The following EPM2A variants were observed in gnomAD, a reference collection of about 807,000 sequenced individuals.
EPM2A encodes the protein laforin.
Under a neutral mutation model 26.5 loss-of-function variants are expected in EPM2A, and 21 were observed. The ratio of observed to expected loss-of-function variants is 0.79; its 90% CI spans 0.56 to 1.14. The LOEUF is 1.14. Ranked by LOEUF, EPM2A falls within the 50% of genes most tolerant of loss-of-function variation. The probability of loss-of-function intolerance (pLI) is 0.00; values close to 1 mark genes in which losing one functional copy is unlikely to be tolerated. For missense variants in EPM2A, 458 were observed against 440.8 expected (o/e 1.04, Z -0.35); for synonymous variants, 217 against 177.6 (o/e 1.22, Z -1.76).
intron 2 of EPM2A, among the ~76,000 whole-genome samples, chr6:145,643,161 T>A (rs527657388): frequency 6.6e-6 from 1 of 152,264 alleles, no homozygotes; most frequent in Non-Finnish European, 1.5e-5. Context: ...AAAGAGAAGA[T>A]TTAAACATGA....
intron 2 of EPM2A, among the ~76,000 whole-genome samples, chr6:145,645,284 C>A (rs973977733): frequency 5.3e-5 from 8 of 152,106 alleles, no homozygotes; most frequent in African/African-American, 1.9e-4. Context: ...TTATGTTATG[C>A]AAATGTTTCA....
chr6:145,435,075 C>T (rs766746852), intron 4 of EPM2A, among the ~76,000 whole-genome samples: 3 of 152,120 alleles, frequency 2.0e-5, no homozygotes, highest in African/African-American at 4.8e-5. Context: ...GAAGCCAGGC[C>T]GATACTGGCC....
chr6:145,570,523 T>C (rs574882401), intron 2 of EPM2A, among the ~76,000 whole-genome samples: 1 of 152,336 alleles, frequency 6.6e-6, no homozygotes, highest in African/African-American at 2.4e-5. Context: ...TGCACAAACA[T>C]GTTTTTAACA....
Position 145,443,123 on chromosome 6 carries a change from G to A in EPM2A, c.556-59026C>T, listed in dbSNP as rs578198946. Among the ~76,000 whole-genome samples, 13 of 151,826 alleles carry A rather than the reference G, an allele frequency of 8.6e-5. No homozygotes were observed. In the East Asian group the frequency reaches 2.1e-3, roughly 25 times the overall value. On this transcript the variant is annotated intron_variant, in intron 4 of 4. Coordinates refer to the EPM2A transcript ENST00000638717. ...CCTGACCTTGTGATCCACCTGCCTCGGCCTCCCAAAGTGCTGTAATTACAG... is the reference window on the plus strand; with the variant it reads ...CCTGACCTTGTGATCCACCTGCCTCAGCCTCCCAAAGTGCTGTAATTACAG...
intron 4 of EPM2A, among the ~76,000 whole-genome samples, chr6:145,444,413 G>A (rs1396343134): frequency 6.6e-6 from 1 of 152,112 alleles, no homozygotes. Flanking sequence ...TATTTGCATA[G>A]GTCGAACCAA....
intron 2 of EPM2A, among the ~76,000 whole-genome samples, chr6:145,502,834 G>A (rs1225527144): frequency 6.6e-6 from 1 of 152,054 alleles, no homozygotes; most frequent in South Asian, 2.1e-4. Flanking sequence ...TAATATTTTG[G>A]AATCTTAAGG....
intron 4 of EPM2A, among the ~76,000 whole-genome samples, chr6:145,398,088 C>T (rs1039183246): frequency 1.8e-4 from 27 of 146,782 alleles, no homozygotes; most frequent in Middle Eastern, 3.5e-3. Context: ...ATTGTTATAT[C>T]TGTAGAAATT....
intron 4 of EPM2A, among the ~76,000 whole-genome samples, chr6:145,483,253 G>A (rs1779632580): frequency 6.6e-6 from 1 of 151,988 alleles, no homozygotes; most frequent in Non-Finnish European, 1.5e-5. Flanking sequence ...TAGCACATAA[G>A]CCAAGTGTCT....
chr6:145,686,063 T>A (rs1780880948), intron 2 of EPM2A, 59 bp downstream of exon 2: 3 of 1,477,326 alleles, frequency 2.0e-6, no homozygotes, highest in Non-Finnish European at 2.8e-6. Flanking sequence ...AATATTTCCA[T>A]TGTGCTAATG....
chr6:145,603,388 T>A (rs1214040600), intron 2 of EPM2A, among the ~76,000 whole-genome samples: 1 of 152,116 alleles, frequency 6.6e-6, no homozygotes, highest in Non-Finnish European at 1.5e-5. Flanking sequence ...GCCCATCAGG[T>A]TCTTTTGTAT....
chr6:145,600,709 C>T (rs149107386), intron 2 of EPM2A, among the ~76,000 whole-genome samples: 4 of 152,334 alleles, frequency 2.6e-5, no homozygotes, highest in Admixed American at 6.5e-5. Context: ...GTGCTTTCCT[C>T]CTGGAGTTTG....
At chr6:145,423,388 C>T (rs1267968419) in intron 4 of EPM2A, among the ~76,000 whole-genome samples, 3 of 152,136 alleles carry the variant, frequency 2.0e-5, no homozygotes, top group East Asian at 3.9e-4. Context: ...GGGCTTTCCA[C>T]CCAGATGTGG....
upstream of EPM2A, chr6:145,735,750 G>T: frequency 1.7e-6 from 1 of 571,976 alleles, no homozygotes; most frequent in Non-Finnish European, 2.3e-6. Flanking sequence ...GCGGGCGGTT[G>T]ATTTCCACCT....
At chr6:145,463,683 G>C (rs1311001928) in intron 4 of EPM2A, among the ~76,000 whole-genome samples, 1 of 152,038 alleles carries the variant, frequency 6.6e-6, no homozygotes, top group African/African-American at 2.4e-5. Flanking sequence ...TGGATGTGTA[G>C]GTTGAGTGTA....
At chr6:145,487,214 A>G (rs1159508517) in intron 4 of EPM2A, among the ~76,000 whole-genome samples, 1 of 152,106 alleles carries the variant, frequency 6.6e-6, no homozygotes, top group Non-Finnish European at 1.5e-5. Context: ...GGTTATATGT[A>G]CCACATTTTC....
At chr6:145,548,101 C>T (rs1355010785) in intron 2 of EPM2A, among the ~76,000 whole-genome samples, 2 of 152,062 alleles carry the variant, frequency 1.3e-5, no homozygotes, top group African/African-American at 4.8e-5. Context: ...CTTGGCACTC[C>T]CGCATGCTGC....
exon 4 of EPM2A, chr6:145,501,755 C>T (rs79862016): frequency 5.1e-4 from 240 of 470,712 alleles, no homozygotes; most frequent in African/African-American, 4.5e-3. Flanking sequence ...CCAGTCGTCA[C>T]CCATCTGCCA....
chr6:145,677,442 G>A (rs2128605663), intron 2 of EPM2A, among the ~76,000 whole-genome samples: 1 of 152,220 alleles, frequency 6.6e-6, no homozygotes, highest in East Asian at 1.9e-4. Flanking sequence ...GGACAATCAG[G>A]CAAGAGAAAG....
At chr6:145,404,081 T>A (rs559303168) in intron 4 of EPM2A, among the ~76,000 whole-genome samples, 69 of 152,286 alleles carry the variant, frequency 4.5e-4, no homozygotes, top group Non-Finnish European at 7.9e-4. Flanking sequence ...AAGTGCCTAT[T>A]CAAATCTTTT....
Sources: gnomAD v4.1 joint callset for allele counts (sites outside exome capture counted in the v4.1 genomes callset) on GRCh38, gnomAD v4.1.1 for gene constraint, MANE v1.5 for transcripts, NCBI Gene and HGNC (gene_info 2026-07-23, HGNC 2026-07-21) for gene names.